The following CD70 variants were observed in gnomAD, a reference collection of about 807,000 sequenced individuals.
The protein encoded by CD70 is CD70 antigen.
CD70 carries 6 observed loss-of-function variants against 9.0 expected under a neutral mutation model. The observed-to-expected ratio is 0.67, with a 90% CI of 0.37 to 1.32. The LOEUF (loss-of-function observed/expected upper bound fraction) is 1.32, where lower values mean the gene tolerates loss of function less well. Ranked by LOEUF, CD70 falls within the 40% of genes most tolerant of loss-of-function variation. The pLI is 0.02. For synonymous variants in CD70, 108 were observed against 112.3 expected (o/e 0.96, Z 0.24); for missense variants, 235 against 258.7 (o/e 0.91, Z 0.63).
downstream of CD70, among the ~76,000 whole-genome samples, chr19:6,584,219 T>C (rs62123187): frequency 0.091 from 13,577 of 148,626 alleles, 672 homozygotes; most frequent in Middle Eastern, 0.12. Context: ...GCATAAAAGA[T>C]GGTATAAGCG....
Position 6,586,249 on chromosome 19 carries a change from G to C in CD70, c.353C>G (p.Thr118Arg). ...IQVTLAICSS[T>R]TASRHHPTTL... ...GGTGGGGTGGTGCCTGGAGGCCGTCGTGGAGGAGCAGATGGCCAGCGTCAC... is the reference window on the plus strand; with the variant it reads ...GGTGGGGTGGTGCCTGGAGGCCGTCCTGGAGGAGCAGATGGCCAGCGTCAC... The change falls in exon 3 of 3, where the codon ACG becomes AGG. Residue 118 changes from threonine (T) to arginine (R), a missense_variant. Thr to Arg is a moderately conservative substitution (Grantham distance 71). Coordinates refer to ENST00000245903, the MANE Select transcript of CD70 (RefSeq NM_001252.5). The C allele has an allele frequency of 6.2e-7, 1 of 1,613,982 alleles. No homozygotes were observed. The highest frequency in any genetic ancestry group is 8.5e-7 in the Non-Finnish European group (1 of 1,179,990).
At chr19:6,589,339 CTTCT>C (rs1916099239) in intron 2 of CD70, among the ~76,000 whole-genome samples, 1 of 140,424 alleles carries the variant, frequency 7.1e-6, no homozygotes. Context: ...TCCTTCCTTC[CTTCT>C]TCTCTTTCTT....
chr19:6,591,047 C>T lies in CD70; in HGVS notation c.-45G>A, dbSNP rs1362907383. The T allele has an allele frequency of 1.3e-6, 2 of 1,541,702 alleles. No homozygotes were observed. The highest frequency in any genetic ancestry group is 1.7e-6 in the Non-Finnish European group (2 of 1,144,928). On this transcript the variant is annotated 5_prime_UTR_variant, in exon 1 of 3. Transcript: ENST00000245903. ...GCTAGCGCAGGAGGGGCGATGGGGG[C>T]GCGGAGCGCTGCCGAGAAGGAAGGA...
intron 2 of CD70, among the ~76,000 whole-genome samples, chr19:6,587,455 C>T (rs532544074): frequency 2.0e-5 from 3 of 149,118 alleles, no homozygotes; most frequent in African/African-American, 7.4e-5. Context: ...CTACAGAGCT[C>T]GAGAGTGCAC....
downstream of CD70, among the ~76,000 whole-genome samples, chr19:6,583,833 C>A (rs191677127): frequency 4.3e-3 from 640 of 148,988 alleles, 10 homozygotes; most frequent in African/African-American, 0.015. Context: ...GCTCTTGTCA[C>A]CCAGGCTGGA....
At position 6,590,057 on chromosome 19, in the gene CD70, C is replaced by G. The variant is rs567611299; in HGVS notation, c.196+46G>C. On this transcript the variant is annotated intron_variant, in intron 2 of 2. Transcript: ENST00000245903. This position sits in a 1 kb window ranked among gnomAD's most constrained non-coding sequence, Gnocchi z 5.3. ...TCTTTCTACCTCTCCTTCCTTCTCT[C>G]TCTGTGCCTCTTCTTCTCCCCGTCC... The G allele has an allele frequency of 1.3e-6, 2 of 1,544,404 alleles. No individual in the cohort carries two copies. The highest frequency in any genetic ancestry group is 1.8e-6 in the Non-Finnish European group (2 of 1,120,524).
chr19:6,581,914 T>A (rs993225482), downstream of CD70, among the ~76,000 whole-genome samples: 1 of 152,176 alleles, frequency 6.6e-6, no homozygotes, highest in African/African-American at 2.4e-5. Flanking sequence ...GCAAGTTAGT[T>A]ACTTCCTATA....
chr19:6,589,397 T>A (rs535892578), intron 2 of CD70, among the ~76,000 whole-genome samples: 8 of 151,624 alleles, frequency 5.3e-5, no homozygotes, highest in Admixed American at 2.0e-4. Context: ...TTCTTCTTTT[T>A]ATTTATTTAT....
chr19:6,583,604 G>A (rs952676132), downstream of CD70: 7 of 541,200 alleles, frequency 1.3e-5, no homozygotes, highest in African/African-American at 1.4e-4. Flanking sequence ...TGCCACCCAG[G>A]CTGGAGTGCA....
chr19:6,589,234 CCT>C (rs1452781770), intron 2 of CD70, among the ~76,000 whole-genome samples: 2 of 113,568 alleles, frequency 1.8e-5, no homozygotes, highest in Non-Finnish European at 3.6e-5. Context: ...CTTCTCTTTT[CCT>C]CTCTCTGGCT....
chr19:6,589,567 T>G (rs1172379609), intron 2 of CD70, among the ~76,000 whole-genome samples: 1 of 151,882 alleles, frequency 6.6e-6, no homozygotes, highest in Non-Finnish European at 1.5e-5. Context: ...TTTTTGTAAT[T>G]TTAGTAGAGA....
At chr19:6,584,735 C>G (rs1915982905), downstream of CD70, among the ~76,000 whole-genome samples, 1 of 147,596 alleles carries the variant, frequency 6.8e-6, no homozygotes, top group Admixed American at 6.8e-5. Flanking sequence ...GTGTGGTGGC[C>G]TGTGCTGGCG....
intron 2 of CD70, among the ~76,000 whole-genome samples, chr19:6,588,051 G>A (rs1000777651): frequency 1.3e-5 from 2 of 152,074 alleles, no homozygotes; most frequent in African/African-American, 4.8e-5. Context: ...TCCTGTCTCC[G>A]CAACTTATCT....
At position 6,590,968 on chromosome 19, in the gene CD70, C is replaced by A. The variant is rs760261716; in HGVS notation, c.35G>T (p.Arg12Leu). The change falls in exon 1 of 3, where the codon CGC (arginine) becomes CTC (leucine). Residue 12 changes from arginine (R) to leucine (L), a missense_variant. Arg to Leu is a moderately radical substitution (Grantham distance 102, BLOSUM62 -2). Transcript: ENST00000245903. This position sits in a 1 kb window ranked among gnomAD's most constrained non-coding sequence, Gnocchi z 5.3. Reference protein sequence around the residue: ...PEEGSGCSVRRRPYGCVLRAA... With the variant: ...PEEGSGCSVRLRPYGCVLRAA... Reference sequence around the variant, plus strand: ...CCGCAGGACGCACCCATAGGGCCTGCGCCGCACCGAGCAGCCCGAACCCTC... The same window carrying A: ...CCGCAGGACGCACCCATAGGGCCTGAGCCGCACCGAGCAGCCCGAACCCTC... The A allele has an allele frequency of 3.1e-6, 5 of 1,612,654 alleles. No individual in the cohort carries two copies. The South Asian group carries it at 5.5e-5, about 18-fold the overall frequency.
At chr19:6,584,698 C>CAAG (rs759135540), downstream of CD70, among the ~76,000 whole-genome samples, 5 of 102,288 alleles carry the variant, frequency 4.9e-5, no homozygotes, top group Non-Finnish European at 9.5e-5. Flanking sequence ...GACCTCATCT[C>CAAG]AAAAAAAAAA....
At chr19:6,589,950 T>G (rs1475593251) in intron 2 of CD70, among the ~76,000 whole-genome samples, 153 bp downstream of exon 2, 1 of 78,434 alleles carries the variant, frequency 1.3e-5, no homozygotes, top group Non-Finnish European at 3.6e-5. Context: ...TGTCTCCCCC[T>G]CTCCGTTTCC....
chr19:6,590,094 C>G lies in CD70; in HGVS notation c.196+9G>C. ...TCTTCTCCCCGTCCCTCCACGTCCC[C>G]CGTGTTACCTGTGTGATTCAGCTGC... On this transcript the variant is annotated intron_variant, in intron 2 of 2. Coordinates refer to ENST00000245903, the MANE Select transcript of CD70 (RefSeq NM_001252.5). This position sits in a 1 kb window ranked among gnomAD's most constrained non-coding sequence, Gnocchi z 5.3. The G allele has an allele frequency of 6.2e-7, 1 of 1,612,560 alleles. No individual in the cohort carries two copies. The highest frequency in any genetic ancestry group is 8.5e-7 in the Non-Finnish European group (1 of 1,178,734).
Position 6,590,074 on chromosome 19 carries a change from T to C in CD70, c.196+29A>G, listed in dbSNP as rs956685310. ...CCTTCTCTCTCTGTGCCTCTTCTTC[T>C]CCCCGTCCCTCCACGTCCCCCGTGT... On this transcript the variant is annotated intron_variant, in intron 2 of 2. Transcript: ENST00000245903. The surrounding 1 kb of genome is among the most constrained non-coding windows in gnomAD (Gnocchi z 5.3). 7.5e-6 allele frequency: 12 copies of C among 1,599,990 alleles called. No homozygotes were observed. The highest frequency in any genetic ancestry group is 1.0e-5 in the Non-Finnish European group (12 of 1,168,078).
chr19:6,587,225 A>T (rs534486837), intron 2 of CD70, among the ~76,000 whole-genome samples: 5 of 134,204 alleles, frequency 3.7e-5, no homozygotes, highest in African/African-American at 5.6e-5. Flanking sequence ...AGAGAGTGTG[A>T]GAGAGAGGAC....
Sources: gnomAD v4.1 joint callset for allele counts (sites outside exome capture counted in the v4.1 genomes callset) on GRCh38, gnomAD v4.1.1 for gene constraint, Gnocchi (gnomAD v3.1) non-coding constraint, MANE v1.5 for transcripts, NCBI Gene and HGNC (gene_info 2026-07-23, HGNC 2026-07-21) for gene names.